RXRA: variants seen among roughly 807,000 people sequenced by gnomAD.
RXRA encodes retinoid X receptor alpha, also known as retinoic acid receptor RXR-alpha.
A neutral mutation model predicts 44.5 loss-of-function variants in RXRA; 5 were observed. The ratio of observed to expected loss-of-function variants is 0.11; its 90% CI spans 0.06 to 0.24. The LOEUF is 0.24. RXRA is among the 10% of genes least tolerant of loss of function. The pLI, the probability that RXRA is intolerant of heterozygous loss-of-function variation, is 1.00. For missense variants in RXRA, 412 were observed against 646.5 expected, an observed-to-expected ratio of 0.64 and a Z score of 3.93; for synonymous variants, 291 against 271.4, an observed-to-expected ratio of 1.07 and a Z score of -0.71.
Position 134,342,317 on chromosome 9 carries a change from A to G in RXRA, c.28+15658A>G, listed in dbSNP as rs1327139430. ...CTTGTGCCAAGCCCATTGCCCTCCCAGAACCCTGGGGGAGGGAGTTGCCCT... is the reference window on the plus strand; with the variant it reads ...CTTGTGCCAAGCCCATTGCCCTCCCGGAACCCTGGGGGAGGGAGTTGCCCT... On this transcript the variant is annotated intron_variant, in intron 1 of 9. Coordinates refer to ENST00000481739, the MANE Select transcript of RXRA (RefSeq NM_002957.6). The surrounding 1 kb of genome is among the most constrained non-coding windows in gnomAD (Gnocchi z 4.4). 6.6e-6 allele frequency among the ~76,000 whole-genome samples: 1 copy of G among 152,046 alleles called. No individual in the cohort carries two copies. Among genetic ancestry groups the G allele is most frequent in the Non-Finnish European group, 1.5e-5 (1 of 67,984 alleles).
intron 6 of RXRA, chr9:134,423,958 C>T (rs1831390173): frequency 1.0e-6 from 1 of 985,174 alleles, no homozygotes; most frequent in Admixed American, 6.1e-5. Context: ...TGGTTGTGCG[C>T]TGGGGGCCTG....
At chr9:134,422,040 ATCTCCCAGGACGCTCCCC>A (rs536067369) in intron 6 of RXRA, 27,702 of 1,154,188 alleles carry the variant, frequency 0.024, 386 homozygotes, top group Admixed American at 0.058. Flanking sequence ...GGATGCTCCC[ATCTCCCAGGACGCTCCCC>A]TCTCCCAGGA....
chr9:134,364,552 C>A (rs537082352), intron 1 of RXRA, among the ~76,000 whole-genome samples: 1 of 152,206 alleles, frequency 6.6e-6, no homozygotes, highest in South Asian at 2.1e-4. Context: ...CCAGACAGGC[C>A]GGGGCATGGT....
Position 134,436,542 on chromosome 9 carries a change from C to G in RXRA, c.1317C>G (p.Phe439Leu). The stretch of plus-strand genomic sequence containing the variant: ...AATGCCTGGAACATCTCTTCTTCTT[C>G]AAGCTCATCGGGGACACACCCATTG... ...GLKCLEHLFF[F>L]KLIGDTPIDT... The change falls in exon 10 of 10, where the codon TTC (phenylalanine) becomes TTG (leucine). Residue 439 changes from phenylalanine to leucine, a missense_variant. Transcript: ENST00000481739. 1 of 1,614,224 alleles carries G rather than the reference C, an allele frequency of 6.2e-7. No individual in the cohort carries two copies. The highest frequency in any genetic ancestry group is 2.2e-5 in the East Asian group (1 of 44,890).
chr9:134,372,516 C>T (rs1202061286), intron 1 of RXRA, among the ~76,000 whole-genome samples: 2 of 152,170 alleles, frequency 1.3e-5, no homozygotes, highest in Non-Finnish European at 2.9e-5. Flanking sequence ...CACTGGGTTC[C>T]AGGCACACGG....
intron 4 of RXRA, among the ~76,000 whole-genome samples, chr9:134,410,704 G>C (rs1831133397): frequency 6.8e-6 from 1 of 146,742 alleles, no homozygotes; most frequent in African/African-American, 2.8e-5. Context: ...CGTGGCTGGA[G>C]CTGGGGGGGG....
chr9:134,343,874 C>T lies in RXRA; in HGVS notation c.28+17215C>T, dbSNP rs1554748392. On this transcript the variant is annotated intron_variant, in intron 1 of 9. Coordinates refer to ENST00000481739, the MANE Select transcript of RXRA (RefSeq NM_002957.6). This position sits in a 1 kb window ranked among gnomAD's most constrained non-coding sequence, Gnocchi z 4.1. ...AGCTGGCTGGGTCAGCAGATGGGCT[C>T]CTCTGGCGTCTTCTCACCTTCTGGC... 6.6e-6 allele frequency among the ~76,000 whole-genome samples: 1 copy of T among 152,146 alleles called. No individual in the cohort carries two copies. Among genetic ancestry groups the T allele is most frequent in the East Asian group, 1.9e-4 (1 of 5,170 alleles).
rs34683648 is a variant in RXRA at position 134,402,035 on chromosome 9, A to C, written c.279+153A>C. ...GAGTATACAGAGCCTCGGGGAGCAG[A>C]GTGCCGTGGGGGTTTGAGCCCAGGT... On this transcript the variant is annotated intron_variant, in intron 2 of 9. Coordinates refer to ENST00000481739, the MANE Select transcript of RXRA (RefSeq NM_002957.6). 0.035 allele frequency: 24,017 copies of C among 684,408 alleles called. 4,049 individuals carry two copies. The African/African-American group carries it at 0.37, about 11-fold the overall frequency. The allele number at this position is 684,408 out of a possible 1,614,324, so 42.4% of individuals were successfully genotyped here. A position where few individuals can be genotyped will look rare whatever the true frequency, so the allele number is the denominator to read the frequency against.
At chr9:134,331,335 G>A (rs1835001700) in intron 1 of RXRA, among the ~76,000 whole-genome samples, 1 of 152,280 alleles carries the variant, frequency 6.6e-6, no homozygotes, top group African/African-American at 2.4e-5. Context: ...GAATGAGCGT[G>A]AAATGGAGCA....
chr9:134,371,648 T>A (rs1384858894), intron 1 of RXRA, among the ~76,000 whole-genome samples: 1 of 152,242 alleles, frequency 6.6e-6, no homozygotes, highest in Non-Finnish European at 1.5e-5. Flanking sequence ...CCGGTGCCTC[T>A]GGTTCACTGG....
In RXRA at chr9:134,354,403, G is replaced by T. The variant is rs545000531; in HGVS notation, c.28+27744G>T. On this transcript the variant is annotated intron_variant, in intron 1 of 9. Coordinates refer to ENST00000481739, the MANE Select transcript of RXRA (RefSeq NM_002957.6). The stretch of plus-strand genomic sequence containing the variant: ...TGGACAGTGTTGGCGTGAGGAGGTG[G>T]TCGGTGCGTGTGTGGTGGTGGAACG... Among the ~76,000 whole-genome samples the T allele has an allele frequency of 7.2e-5, 11 of 152,356 alleles. No homozygotes were observed. In the East Asian group the frequency reaches 1.9e-3, roughly 27 times the overall value.
intron 7 of RXRA, among the ~76,000 whole-genome samples, chr9:134,431,359 T>TC (rs1490387244): frequency 6.6e-6 from 1 of 152,184 alleles, no homozygotes; most frequent in African/African-American, 2.4e-5. Context: ...GCTGGTGGAT[T>TC]TTTTTTCTCT....
chr9:134,406,378 G>A (rs1344124325), intron 2 of RXRA: 1 of 146,478 alleles, frequency 6.8e-6, no homozygotes, highest in Non-Finnish European at 1.5e-5. Flanking sequence ...GGGCAACAGA[G>A]TGAGACCCTG....
At chr9:134,395,724 A>T (rs73556215) in intron 1 of RXRA, among the ~76,000 whole-genome samples, 2 of 152,170 alleles carry the variant, frequency 1.3e-5, no homozygotes, top group Non-Finnish European at 2.9e-5. Flanking sequence ...AGGGAGCTCC[A>T]TCATCCGACC....
chr9:134,353,612 C>G (rs547749158), intron 1 of RXRA, among the ~76,000 whole-genome samples: 2 of 152,374 alleles, frequency 1.3e-5, no homozygotes, highest in East Asian at 3.9e-4. Context: ...CTTCTCCCCA[C>G]AGCTAGCGGG....
At chr9:134,406,837 A>C (rs1405594309) in intron 2 of RXRA, among the ~76,000 whole-genome samples, 1 of 152,234 alleles carries the variant, frequency 6.6e-6, no homozygotes, top group Non-Finnish European at 1.5e-5. Context: ...TGCAAAGCCC[A>C]GGCACCGCAC....
At chr9:134,393,128 G>A (rs1445751949) in intron 1 of RXRA, among the ~76,000 whole-genome samples, 1 of 152,076 alleles carries the variant, frequency 6.6e-6, no homozygotes, top group Non-Finnish European at 1.5e-5. Context: ...CTGGGGCATC[G>A]GACCAAGTGC....
At chr9:134,424,586 T>C in intron 6 of RXRA, 1 of 985,438 alleles carries the variant, frequency 1.0e-6, no homozygotes, top group Non-Finnish European at 1.2e-6. Flanking sequence ...TCAGTGTCCT[T>C]GTGTGTTCTG....
intron 6 of RXRA, chr9:134,425,941 G>A: frequency 2.0e-6 from 2 of 985,420 alleles, no homozygotes; most frequent in Non-Finnish European, 2.4e-6. Context: ...ACGTGGCTGA[G>A]CCAGGTTGGA....
Sources: gnomAD v4.1 joint callset for allele counts (sites outside exome capture counted in the v4.1 genomes callset) on GRCh38, gnomAD v4.1.1 for gene constraint, Gnocchi (gnomAD v3.1) non-coding constraint, MANE v1.5 for transcripts, NCBI Gene and HGNC (gene_info 2026-07-23, HGNC 2026-07-21) for gene names.